Variants in GALNT10 observed in about 807,000 individuals in gnomAD.
GALNT10 encodes the protein GalNAc transferase 10.
Under a neutral mutation model 75.0 loss-of-function variants are expected in GALNT10, and 41 were observed. The ratio of observed to expected loss-of-function variants is 0.55; its 90% CI spans 0.43 to 0.71. The LOEUF is 0.71. GALNT10 is among the 30% of genes least tolerant of loss of function. GALNT10 has a pLI of 0.00. For missense variants in GALNT10, 727 were observed against 818.5 expected (o/e 0.89, Z 1.36); for synonymous variants, 302 against 313.0 (o/e 0.96, Z 0.37).
intron 7 of GALNT10, chr5:154,393,107 C>G (rs1006206995): frequency 3.4e-5 from 5 of 146,448 alleles, no homozygotes. Flanking sequence ...GGATCTCACA[C>G]CGTTGCCCAG....
intron 1 of GALNT10, among the ~76,000 whole-genome samples, chr5:154,215,095 T>C (rs1044176799): frequency 7.9e-5 from 12 of 152,230 alleles, no homozygotes; most frequent in Admixed American, 4.6e-4. Flanking sequence ...TGCCTTTATT[T>C]TTAGAAACAG....
At chr5:154,253,969 A>T (rs1472004737) in intron 1 of GALNT10, among the ~76,000 whole-genome samples, 1 of 152,006 alleles carries the variant, frequency 6.6e-6, no homozygotes, top group Non-Finnish European at 1.5e-5. Flanking sequence ...CTCACTGTGG[A>T]CCTTCTACAC....
In GALNT10 at chr5:154,409,486, G is replaced by T; in HGVS notation, c.1165-55G>T. 1 of 1,178,970 alleles carries T rather than the reference G, an allele frequency of 8.5e-7. No homozygotes were observed. The highest frequency in any genetic ancestry group is 1.3e-6 in the Non-Finnish European group (1 of 782,268). The allele number at this position is 1,178,970 out of a possible 1,614,324, so 73.0% of individuals were successfully genotyped here. A position where few individuals can be genotyped will look rare whatever the true frequency, so the allele number is the denominator to read the frequency against. On this transcript the variant is annotated intron_variant, in intron 8 of 11. Transcript: ENST00000297107. This position sits in a 1 kb window ranked among gnomAD's most constrained non-coding sequence, Gnocchi z 4.5. ...CTGCCAGGACCCTTTTCACCCCACT[G>T]CCTGGCTTTGGCTTCTTGGAAAGAC...
intron 1 of GALNT10, among the ~76,000 whole-genome samples, chr5:154,201,681 A>G (rs1345199512): frequency 6.6e-6 from 1 of 152,160 alleles, no homozygotes; most frequent in Non-Finnish European, 1.5e-5. Context: ...CTGTAATCCC[A>G]GCACTTTGGG....
chr5:154,350,609 C>A (rs994934270), intron 4 of GALNT10, among the ~76,000 whole-genome samples: 2 of 152,050 alleles, frequency 1.3e-5, no homozygotes, highest in Non-Finnish European at 2.9e-5. Flanking sequence ...TAACAACAAG[C>A]TGGAGTAAAG....
At chr5:154,386,546 C>G (rs1582004006) in intron 7 of GALNT10, 116 bp downstream of exon 7, 1 of 734,892 alleles carries the variant, frequency 1.4e-6, no homozygotes, top group Admixed American at 2.2e-5. Context: ...GGTTCTGTAG[C>G]CCTTCTGCCC....
intron 1 of GALNT10, among the ~76,000 whole-genome samples, chr5:154,232,061 C>T (rs1386428803): frequency 6.6e-6 from 1 of 152,194 alleles, no homozygotes; most frequent in African/African-American, 2.4e-5. Context: ...AACTACCAAA[C>T]AGTGACCTAT....
At chr5:154,319,955 G>T (rs35206286) in intron 3 of GALNT10, among the ~76,000 whole-genome samples, 18,954 of 152,214 alleles carry the variant, frequency 0.12, 1,682 homozygotes, top group African/African-American at 0.25. Context: ...GAGAAAAGGG[G>T]CTTTGCTTGG....
chr5:154,374,258 T>C (rs1419704571), intron 4 of GALNT10, among the ~76,000 whole-genome samples: 1 of 152,198 alleles, frequency 6.6e-6, no homozygotes, highest in African/African-American at 2.4e-5. Flanking sequence ...GCCATATTAA[T>C]CTTTGTGCAC....
chr5:154,311,391 G>T (rs886491676), intron 3 of GALNT10, among the ~76,000 whole-genome samples: 1 of 152,098 alleles, frequency 6.6e-6, no homozygotes, highest in Non-Finnish European at 1.5e-5. Flanking sequence ...TTGTGGTTTA[G>T]CCTCTCTGCA....
At position 154,376,220 on chromosome 5, in the gene GALNT10, C is replaced by A; in HGVS notation, c.569-57C>A. ...TGCAGTTCACATGTAAGGGAGGAGT[C>A]ATAAGGATGACTACTAAGCAACTGT... On this transcript the variant is annotated intron_variant, in intron 4 of 11. Transcript: ENST00000297107. The surrounding 1 kb of genome is among the most constrained non-coding windows in gnomAD (Gnocchi z 4.1). 1.8e-6 allele frequency: 2 copies of A among 1,128,792 alleles called. No individual in the cohort carries two copies. The highest frequency in any genetic ancestry group is 2.6e-5 in the South Asian group (2 of 76,546). The allele number at this position is 1,128,792 out of a possible 1,614,324, so 69.9% of individuals were successfully genotyped here. A position where few individuals can be genotyped will look rare whatever the true frequency, so the allele number is the denominator to read the frequency against.
intron 1 of GALNT10, among the ~76,000 whole-genome samples, chr5:154,233,044 G>A (rs1276767271): frequency 6.6e-6 from 1 of 151,982 alleles, no homozygotes; most frequent in Non-Finnish European, 1.5e-5. Context: ...AGCCTTTCTG[G>A]GCCTCAGTTT....
chr5:154,347,989 G>A (rs536186997), intron 4 of GALNT10, among the ~76,000 whole-genome samples: 1 of 152,326 alleles, frequency 6.6e-6, no homozygotes, highest in Non-Finnish European at 1.5e-5. Flanking sequence ...CTGGAAGGCT[G>A]TAATGTAATT....
rs1348839382 is a variant in GALNT10 at position 154,215,221 on chromosome 5, G to T, written c.159+24196G>T. On this transcript the variant is annotated intron_variant, in intron 1 of 11. Transcript: ENST00000297107. ...ATCTAGCCTGGGCGCAGTGGCTCAC[G>T]CCTGTAATCCCAGCACTTTGGGAGG... Among the ~76,000 whole-genome samples the T allele has an allele frequency of 2.0e-5, 3 of 151,984 alleles. No individual in the cohort carries two copies. The East Asian group carries it at 5.8e-4, about 29-fold the overall frequency.
chr5:154,281,014 C>G (rs1419736763), intron 1 of GALNT10, among the ~76,000 whole-genome samples: 3 of 152,190 alleles, frequency 2.0e-5, no homozygotes, highest in Non-Finnish European at 2.9e-5. Context: ...CACTGTATCC[C>G]AGGAGTGCCT....
intron 4 of GALNT10, among the ~76,000 whole-genome samples, chr5:154,356,585 C>T (rs1299901001): frequency 6.6e-6 from 1 of 152,104 alleles, no homozygotes; most frequent in Non-Finnish European, 1.5e-5. Flanking sequence ...ATAGTAAAAA[C>T]GTTTTTCAAA....
intron 1 of GALNT10, among the ~76,000 whole-genome samples, chr5:154,262,375 C>G (rs2434535): frequency 0.24 from 37,195 of 152,034 alleles, 5,533 homozygotes; most frequent in African/African-American, 0.42. Flanking sequence ...ATTTAATTAG[C>G]TACAGTCTGA....
At chr5:154,232,334 G>A (rs1246151268) in intron 1 of GALNT10, among the ~76,000 whole-genome samples, 3 of 152,182 alleles carry the variant, frequency 2.0e-5, no homozygotes, top group Non-Finnish European at 4.4e-5. Flanking sequence ...GTAAGATACT[G>A]TGAGCTTGAT....
intron 1 of GALNT10, among the ~76,000 whole-genome samples, chr5:154,285,669 C>T (rs1041852980): frequency 6.6e-5 from 10 of 152,194 alleles, no homozygotes; most frequent in African/African-American, 2.2e-4. Context: ...TCTCTGCCTG[C>T]ACCACTGTGA....
Sources: gnomAD v4.1 joint callset for allele counts (sites outside exome capture counted in the v4.1 genomes callset) on GRCh38, gnomAD v4.1.1 for gene constraint, Gnocchi (gnomAD v3.1) non-coding constraint, MANE v1.5 for transcripts, NCBI Gene and HGNC (gene_info 2026-07-23, HGNC 2026-07-21) for gene names.